The following DTNB variants were observed in gnomAD, a reference collection of about 807,000 sequenced individuals.
DTNB encodes the protein DTN-B.
A neutral mutation model predicts 90.7 loss-of-function variants in DTNB; 63 were observed. That is an observed-to-expected ratio of 0.69 (90% CI 0.57 to 0.86). The LOEUF (loss-of-function observed/expected upper bound fraction) is 0.86, where lower values mean the gene tolerates loss of function less well. Among genes scored for constraint, DTNB ranks in the 40% least tolerant of loss-of-function variants. The probability of loss-of-function intolerance (pLI) is 0.00; values close to 1 mark genes in which losing one functional copy is unlikely to be tolerated. For synonymous variants in DTNB, 277 were observed against 286.7 expected (o/e 0.97, Z 0.34); for missense variants, 744 against 807.1 (o/e 0.92, Z 0.95).
Position 25,627,885 on chromosome 2 carries a change from C to T in DTNB, c.362+286G>A, listed in dbSNP as rs2074641287. Among the ~76,000 whole-genome samples, 5 of 152,074 alleles carry T rather than the reference C, an allele frequency of 3.3e-5. No individual in the cohort carries two copies. In the South Asian group the frequency reaches 1.0e-3, roughly 32 times the overall value. Reference sequence around the variant, plus strand: ...CTAAGTAGCTGAGACTACAGGCGCCCACCACCACGCCCGGCTAATTTTTTG... The same window carrying T: ...CTAAGTAGCTGAGACTACAGGCGCCTACCACCACGCCCGGCTAATTTTTTG... On this transcript the variant is annotated intron_variant, in intron 4 of 20. Coordinates refer to ENST00000406818, the MANE Select transcript of DTNB (RefSeq NM_021907.5).
At chr2:25,639,755 A>C (rs1015985284) in intron 2 of DTNB, among the ~76,000 whole-genome samples, 3 of 152,224 alleles carry the variant, frequency 2.0e-5, no homozygotes, top group Admixed American at 1.3e-4. Flanking sequence ...ATGCGGCAGA[A>C]GTACAGTGCG....
chr2:25,436,638 GA>G (rs1001571557), intron 12 of DTNB, among the ~76,000 whole-genome samples: 5 of 147,482 alleles, frequency 3.4e-5, no homozygotes, highest in African/African-American at 9.9e-5. Context: ...TTTTTTAAAA[GA>G]AAAAAAAAAC....
intron 16 of DTNB, among the ~76,000 whole-genome samples, chr2:25,409,626 T>C (rs182516132): frequency 3.5e-4 from 53 of 152,254 alleles, no homozygotes; most frequent in Middle Eastern, 3.4e-3. Context: ...TATTGAACAT[T>C]TTCTTTCCTA....
intron 10 of DTNB, among the ~76,000 whole-genome samples, chr2:25,476,506 C>T (rs765650708): frequency 3.3e-5 from 5 of 152,166 alleles, no homozygotes; most frequent in Non-Finnish European, 7.3e-5. Flanking sequence ...ATTCTAGATG[C>T]TATTAAAAAC....
At chr2:25,637,036 C>A (rs1159114028) in intron 3 of DTNB, among the ~76,000 whole-genome samples, 2 of 151,850 alleles carry the variant, frequency 1.3e-5, no homozygotes, top group Non-Finnish European at 1.5e-5. Context: ...TCTAACAGAG[C>A]CCTCAGAAAT....
chr2:25,539,474 A>G (rs1046114632), intron 8 of DTNB, among the ~76,000 whole-genome samples: 2 of 151,832 alleles, frequency 1.3e-5, no homozygotes, highest in Admixed American at 1.3e-4. Context: ...TTCCCTGGTT[A>G]TTAAAAAGAT....
At chr2:25,515,898 C>T (rs1340614904) in intron 9 of DTNB, among the ~76,000 whole-genome samples, 1 of 152,046 alleles carries the variant, frequency 6.6e-6, no homozygotes, top group Non-Finnish European at 1.5e-5. Context: ...AAGATGTTAA[C>T]AACAGGGGAA....
chr2:25,384,939 C>T (rs192053122), intron 18 of DTNB, among the ~76,000 whole-genome samples: 5 of 151,390 alleles, frequency 3.3e-5, no homozygotes, highest in Admixed American at 2.0e-4. Context: ...ACTACAGCGG[C>T]GCGATCTTGG....
At chr2:25,461,691 T>C (rs954303117) in intron 10 of DTNB, among the ~76,000 whole-genome samples, 1 of 152,192 alleles carries the variant, frequency 6.6e-6, no homozygotes, top group African/African-American at 2.4e-5. Context: ...AGGTATCCAG[T>C]GATGAAGACA....
intron 14 of DTNB, among the ~76,000 whole-genome samples, chr2:25,429,078 C>A (rs147275301): frequency 6.6e-6 from 1 of 152,164 alleles, no homozygotes; most frequent in African/African-American, 2.4e-5. Flanking sequence ...GCGTGACTAC[C>A]GAGCCCCTGA....
intron 6 of DTNB, among the ~76,000 whole-genome samples, chr2:25,584,745 C>T (rs972692854): frequency 1.4e-4 from 21 of 151,750 alleles, no homozygotes; most frequent in Non-Finnish European, 1.5e-4. Flanking sequence ...TTAGTAGAGA[C>T]GGGGTTTCAC....
chr2:25,553,741 C>CAAA (rs1184090329), intron 8 of DTNB, among the ~76,000 whole-genome samples: 2 of 39,006 alleles, frequency 5.1e-5, no homozygotes, highest in African/African-American at 1.9e-4. Flanking sequence ...AACTCCTTCT[C>CAAA]AAAAAAAAAA....
At chr2:25,593,791 CAATTA>C (rs2064026424) in intron 6 of DTNB, among the ~76,000 whole-genome samples, 1 of 152,172 alleles carries the variant, frequency 6.6e-6, no homozygotes, top group South Asian at 2.1e-4. Flanking sequence ...ACTAACGTTG[CAATTA>C]AATTAAAGAT....
intron 8 of DTNB, among the ~76,000 whole-genome samples, chr2:25,569,507 G>A (rs1429093270): frequency 1.3e-5 from 2 of 152,072 alleles, no homozygotes; most frequent in African/African-American, 4.8e-5. Flanking sequence ...AAATGAACAT[G>A]CCTAGATCAA....
At chr2:25,379,961 T>C (rs964485644) in intron 19 of DTNB, 1 of 152,454 alleles carries the variant, frequency 6.6e-6, no homozygotes, top group Non-Finnish European at 1.5e-5. Flanking sequence ...GCTTCTTCTA[T>C]GTGTCTTGGT....
intron 9 of DTNB, among the ~76,000 whole-genome samples, chr2:25,528,136 C>A (rs2077500543): frequency 6.6e-6 from 1 of 152,078 alleles, no homozygotes. Context: ...AAGAAAAAGT[C>A]TTTGATCATC....
intron 9 of DTNB, among the ~76,000 whole-genome samples, chr2:25,508,371 T>C (rs1296176829): frequency 6.6e-6 from 1 of 152,162 alleles, no homozygotes; most frequent in Non-Finnish European, 1.5e-5. Flanking sequence ...AATTTTGACA[T>C]ATAAAGGAAA....
intron 19 of DTNB, among the ~76,000 whole-genome samples, chr2:25,380,365 CACTT>C (rs909478614): frequency 2.0e-5 from 3 of 152,196 alleles, no homozygotes; most frequent in Non-Finnish European, 4.4e-5. Context: ...CCCATAAAAA[CACTT>C]AGTCTTATAA....
At chr2:25,393,345 C>G (rs1429109494) in intron 16 of DTNB, among the ~76,000 whole-genome samples, 3 of 152,176 alleles carry the variant, frequency 2.0e-5, no homozygotes, top group Non-Finnish European at 4.4e-5. Context: ...TCACTTTCAC[C>G]ACTTCTATTC....
Sources: allele counts gnomAD v4.1 joint callset (sites outside exome capture counted in the v4.1 genomes callset), GRCh38; gene constraint gnomAD v4.1.1; transcripts MANE v1.5; gene names NCBI Gene and HGNC (gene_info 2026-07-23, HGNC 2026-07-21).